CDH23: variants seen among roughly 807,000 people sequenced by gnomAD.
CDH23 encodes cadherin related 23, also known as cadherin-23.
In CDH23, 189 loss-of-function variants were observed where a neutral mutation model predicts 317.1. That is an observed-to-expected ratio of 0.60 (90% CI 0.53 to 0.67). The LOEUF is 0.67. CDH23 is among the 30% of genes least tolerant of loss of function. The probability of loss-of-function intolerance (pLI) is 0.00; values close to 1 mark genes in which losing one functional copy is unlikely to be tolerated. For synonymous variants in CDH23, 1,839 were observed against 1,876.8 expected (o/e 0.98, Z 0.52); for missense variants, 4,401 against 4,592.4 (o/e 0.96, Z 1.20).
chr10:71,523,013 A>C (rs941576517), intron 6 of CDH23, among the ~76,000 whole-genome samples: 1 of 152,152 alleles, frequency 6.6e-6, no homozygotes, highest in East Asian at 1.9e-4. Flanking sequence ...CCCCCAAAGC[A>C]AGCCCAAATG....
intron 38 of CDH23, among the ~76,000 whole-genome samples, chr10:71,761,214 G>T (rs761380688): frequency 6.6e-6 from 1 of 152,082 alleles, no homozygotes; most frequent in Non-Finnish European, 1.5e-5. Flanking sequence ...ACACACACAC[G>T]CATATATTCT....
Position 71,811,478 on chromosome 10 carries a change from C to A in CDH23, c.9199-33C>A, listed in dbSNP as rs373219086. The stretch of plus-strand genomic sequence containing the variant: ...CCCACAGCCCTAGCCGCCCTCCCCA[C>A]TGCCCGGGCTTACCCTGGTCCTGCT... On this transcript the variant is annotated intron_variant, in intron 63 of 69. Transcript: ENST00000224721. The A allele has an allele frequency of 1.1e-4, 171 of 1,614,024 alleles. 1 individual carries two copies. In the Middle Eastern group the frequency reaches 2.0e-3, roughly 19 times the overall value.
chr10:71,446,267 G>T lies in CDH23; in HGVS notation c.68-51G>T, dbSNP rs543947136. 3 of 1,553,952 alleles carry T rather than the reference G, an allele frequency of 1.9e-6. No individual in the cohort carries two copies. The South Asian group carries it at 3.3e-5, about 17-fold the overall frequency. The stretch of plus-strand genomic sequence containing the variant: ...CACCCTGTGTCACCTTATAGAGTGT[G>T]TAAAGCTGATGGGGGGTACTTGGCT... On this transcript the variant is annotated intron_variant, in intron 2 of 69. Transcript: ENST00000224721.
intron 6 of CDH23, among the ~76,000 whole-genome samples, chr10:71,514,002 C>CTATCTA (rs1170989778): frequency 6.6e-6 from 1 of 151,990 alleles, no homozygotes; most frequent in Non-Finnish European, 1.5e-5. Context: ...GTGGCAAATC[C>CTATCTA]AGGTCTATCT....
At chr10:71,612,167 C>T (rs1860936037) in intron 9 of CDH23, among the ~76,000 whole-genome samples, 1 of 152,098 alleles carries the variant, frequency 6.6e-6, no homozygotes, top group South Asian at 2.1e-4. Flanking sequence ...GGGAGTTAAT[C>T]ACTCGTGCTT....
At chr10:71,573,704 C>A (rs1256679534) in intron 8 of CDH23, among the ~76,000 whole-genome samples, 1 of 152,242 alleles carries the variant, frequency 6.6e-6, no homozygotes, top group Non-Finnish European at 1.5e-5. Flanking sequence ...AGCTGCTAGA[C>A]CCCCGATCTG....
chr10:71,744,290 C>G (rs990390550), intron 38 of CDH23, among the ~76,000 whole-genome samples: 1 of 152,156 alleles, frequency 6.6e-6, no homozygotes, highest in Non-Finnish European at 1.5e-5. Context: ...GCACCACCCC[C>G]ACTCCCCACC....
chr10:71,501,788 G>A (rs1333151101), intron 3 of CDH23, among the ~76,000 whole-genome samples: 2 of 152,260 alleles, frequency 1.3e-5, no homozygotes, highest in African/African-American at 4.8e-5. Flanking sequence ...CCATCCCAGG[G>A]AGAGTGGGAG....
chr10:71,556,081 C>T (rs77811111), intron 6 of CDH23, among the ~76,000 whole-genome samples: 1,766 of 152,318 alleles, frequency 0.012, 46 homozygotes, highest in African/African-American at 0.041. Context: ...AAGGGGACCA[C>T]ACTTTGGGGC....
intron 1 of CDH23, among the ~76,000 whole-genome samples, chr10:71,432,623 G>A (rs1421126368): frequency 6.6e-6 from 1 of 152,134 alleles, no homozygotes; most frequent in African/African-American, 2.4e-5. Flanking sequence ...TCAGTATGGG[G>A]CCAAGTGCCA....
intron 1 of CDH23, among the ~76,000 whole-genome samples, chr10:71,419,354 A>G (rs1848652155): frequency 6.6e-6 from 1 of 152,168 alleles, no homozygotes; most frequent in South Asian, 2.1e-4. Flanking sequence ...TGTCCACCCC[A>G]GTACATCACT....
intron 3 of CDH23, among the ~76,000 whole-genome samples, chr10:71,447,109 GCCTGTCA>G (rs1380163503): frequency 6.6e-6 from 1 of 152,282 alleles, no homozygotes; most frequent in East Asian, 1.9e-4. Context: ...TAGGGAAAGT[GCCTGTCA>G]TCCGGGGCTT....
intron 11 of CDH23, among the ~76,000 whole-genome samples, chr10:71,626,974 C>T (rs866044054): frequency 2.8e-4 from 42 of 152,202 alleles, no homozygotes; most frequent in African/African-American, 9.6e-4. Context: ...TTGCCTCGCC[C>T]CATGCCGGAA....
intron 48 of CDH23, among the ~76,000 whole-genome samples, chr10:71,796,249 A>G (rs566822557): frequency 6.6e-6 from 1 of 152,326 alleles, no homozygotes; most frequent in East Asian, 1.9e-4. Flanking sequence ...AACAGGCAGG[A>G]ACAAGAAAGG....
rs1287548936 is a variant in CDH23 at position 71,784,431 on chromosome 10, G to A, written c.5502+11G>A. The A allele has an allele frequency of 1.9e-6, 3 of 1,610,754 alleles. No homozygotes were observed. The highest frequency in any genetic ancestry group is 2.2e-5 in the East Asian group (1 of 44,844). ...CCACTCAGCTCCACAGTGAGTCTGG[G>A]GGCCCCACCCGCTGGCTTCACCTCG... On this transcript the variant is annotated intron_variant, in intron 42 of 69. Coordinates refer to ENST00000224721, the MANE Select transcript of CDH23 (RefSeq NM_022124.6).
intron 3 of CDH23, among the ~76,000 whole-genome samples, chr10:71,493,442 G>C (rs563931013): frequency 8.7e-4 from 133 of 152,252 alleles, no homozygotes; most frequent in Non-Finnish European, 1.2e-3. Flanking sequence ...TTGCTCATCT[G>C]TCCGTCTGTC....
intron 17 of CDH23, among the ~76,000 whole-genome samples, chr10:71,681,658 CA>C (rs762965481): frequency 2.4e-4 from 36 of 152,290 alleles, no homozygotes; most frequent in Non-Finnish European, 4.4e-4. Context: ...AGAGAGACGC[CA>C]GGGGCAGTGG....
In CDH23 at chr10:71,738,548, C is replaced by T. The variant is rs1839633496; in HGVS notation, c.4260C>T (p.Phe1420=). ...DENDNSPRFD[F]TSDSAVSIPE... is the part of the protein sequence containing the mutation. ...ATGACAACAGCCCCCGGTTTGACTT[C>T]ACCTCCGACTCGGCGGTCAGCATAC... The change falls in exon 35 of 70, where the codon TTC becomes TTT. Residue 1420 remains phenylalanine (F), a synonymous_variant. Transcript: ENST00000224721. 2 of 1,613,892 alleles carry T rather than the reference C, an allele frequency of 1.2e-6. No homozygotes were observed. Among genetic ancestry groups the T allele is most frequent in the Admixed American group, 3.3e-5 (2 of 60,014 alleles).
intron 44 of CDH23, among the ~76,000 whole-genome samples, chr10:71,788,602 C>T (rs551229080): frequency 5.9e-5 from 9 of 152,050 alleles, no homozygotes; most frequent in African/African-American, 1.7e-4. Flanking sequence ...ACTACAGGTG[C>T]GTGCCACCAC....
Sources: gnomAD v4.1 joint callset for allele counts (sites outside exome capture counted in the v4.1 genomes callset) on GRCh38, gnomAD v4.1.1 for gene constraint, MANE v1.5 for transcripts, NCBI Gene and HGNC (gene_info 2026-07-23, HGNC 2026-07-21) for gene names.